NPAS3: variants seen among roughly 807,000 people sequenced by gnomAD.
NPAS3 encodes the protein neuronal PAS domain-containing protein 3.
A neutral mutation model predicts 73.1 loss-of-function variants in NPAS3; 14 were observed. The observed-to-expected ratio is 0.19, with a 90% confidence interval of 0.13 to 0.30. The LOEUF is 0.30. NPAS3 is among the 10% of genes least tolerant of loss of function. The probability of loss-of-function intolerance (pLI) is 1.00; values close to 1 mark genes in which losing one functional copy is unlikely to be tolerated. For missense variants in NPAS3, 1,096 were observed against 1,250.0 expected (o/e 0.88, Z 1.86); for synonymous variants, 620 against 541.5 (o/e 1.14, Z -2.01).
intron 2 of NPAS3, among the ~76,000 whole-genome samples, chr14:33,137,392 A>G (rs983792280): frequency 5.9e-5 from 9 of 152,192 alleles, no homozygotes; most frequent in Non-Finnish European, 8.8e-5. Flanking sequence ...TTATTACTAA[A>G]TAAGATTGTT....
At chr14:33,783,897 T>C (rs2063060962) in intron 9 of NPAS3, among the ~76,000 whole-genome samples, 1 of 152,210 alleles carries the variant, frequency 6.6e-6, no homozygotes, top group Non-Finnish European at 1.5e-5. Context: ...GGCACTATTT[T>C]ACACGACGTA....
intron 3 of NPAS3, among the ~76,000 whole-genome samples, chr14:33,317,698 G>A (rs555718572): frequency 1.0e-3 from 156 of 151,880 alleles, no homozygotes; most frequent in South Asian, 5.6e-3. Flanking sequence ...CTTCCCCTTC[G>A]GCCATGATTA....
chr14:33,725,970 C>T (rs1028855220), intron 6 of NPAS3, among the ~76,000 whole-genome samples: 8 of 152,122 alleles, frequency 5.3e-5, no homozygotes, highest in South Asian at 4.1e-4. Context: ...TCTCCCTCCA[C>T]CTCCCACTTT....
intron 1 of NPAS3, among the ~76,000 whole-genome samples, chr14:32,996,779 A>G (rs550333427): frequency 2.0e-5 from 3 of 152,238 alleles, no homozygotes; most frequent in South Asian, 2.1e-4. Flanking sequence ...GCAGGGGCAG[A>G]GTTCTCATGG....
intron 2 of NPAS3, among the ~76,000 whole-genome samples, chr14:33,090,621 T>C (rs2042192757): frequency 6.6e-6 from 1 of 152,080 alleles, no homozygotes; most frequent in African/African-American, 2.4e-5. Flanking sequence ...TATCCAGGAA[T>C]TCAACTCAGC....
At chr14:33,266,783 A>G (rs1489191598) in intron 3 of NPAS3, among the ~76,000 whole-genome samples, 9 of 152,176 alleles carry the variant, frequency 5.9e-5, no homozygotes, top group Non-Finnish European at 1.2e-4. Flanking sequence ...AGCACTGTTA[A>G]TGGAATCTTG....
At chr14:33,290,489 A>AT (rs1359006005) in intron 3 of NPAS3, among the ~76,000 whole-genome samples, 1 of 152,202 alleles carries the variant, frequency 6.6e-6, no homozygotes, top group Non-Finnish European at 1.5e-5. Flanking sequence ...AAATTCAAAT[A>AT]TATGTGTGAA....
chr14:33,738,246 C>T (rs2061571916), intron 7 of NPAS3, among the ~76,000 whole-genome samples: 1 of 152,122 alleles, frequency 6.6e-6, no homozygotes, highest in African/African-American at 2.4e-5. Flanking sequence ...TTTCATACAG[C>T]CCTTAAGTAG....
At chr14:33,653,317 A>G (rs539512844) in intron 5 of NPAS3, among the ~76,000 whole-genome samples, 16 of 152,224 alleles carry the variant, frequency 1.1e-4, no homozygotes, top group Non-Finnish European at 1.8e-4. Context: ...CAGAAACACA[A>G]TGGAAATTTC....
chr14:33,274,894 G>A (rs868573659), intron 3 of NPAS3, among the ~76,000 whole-genome samples: 1 of 152,110 alleles, frequency 6.6e-6, no homozygotes, highest in African/African-American at 2.4e-5. Flanking sequence ...AAAGTTCAAG[G>A]ATCTTTTATC....
At chr14:33,388,640 G>A (rs1325137562) in intron 4 of NPAS3, among the ~76,000 whole-genome samples, 1 of 152,078 alleles carries the variant, frequency 6.6e-6, no homozygotes, top group Non-Finnish European at 1.5e-5. Flanking sequence ...GATTGCAATG[G>A]AGAAGGAGCT....
At chr14:33,415,375 AT>A (rs2048104952) in intron 4 of NPAS3, among the ~76,000 whole-genome samples, 2 of 151,948 alleles carry the variant, frequency 1.3e-5, no homozygotes, top group Non-Finnish European at 2.9e-5. Flanking sequence ...TAAACCTTTT[AT>A]TTATTTTATG....
chr14:33,741,363 T>G (rs2061651342), intron 7 of NPAS3, among the ~76,000 whole-genome samples: 1 of 152,224 alleles, frequency 6.6e-6, no homozygotes, highest in African/African-American at 2.4e-5. Flanking sequence ...TCTAAGGCTA[T>G]GCATTTATTG....
At chr14:33,554,320 T>G (rs2055255127) in intron 4 of NPAS3, among the ~76,000 whole-genome samples, 1 of 152,218 alleles carries the variant, frequency 6.6e-6, no homozygotes, top group Admixed American at 6.5e-5. Flanking sequence ...TGAAGAACTC[T>G]GGGTTTGAAG....
intron 1 of NPAS3, among the ~76,000 whole-genome samples, chr14:32,940,878 A>G (rs1278325538): frequency 6.6e-6 from 1 of 152,230 alleles, no homozygotes; most frequent in Non-Finnish European, 1.5e-5. Flanking sequence ...ATAATTGACT[A>G]ATTCTGAACT....
At chr14:33,783,091 A>G (rs1432593333) in intron 9 of NPAS3, among the ~76,000 whole-genome samples, 2 of 152,110 alleles carry the variant, frequency 1.3e-5, no homozygotes, top group Admixed American at 6.5e-5. Context: ...CCGAGCATCA[A>G]TCAAAGTAAG....
At chr14:33,093,698 A>G (rs1185658835) in intron 2 of NPAS3, among the ~76,000 whole-genome samples, 1 of 152,226 alleles carries the variant, frequency 6.6e-6, no homozygotes, top group African/African-American at 2.4e-5. Context: ...TATTCACAAT[A>G]GCAAAGACTT....
At chr14:33,606,761 T>A (rs1403024787) in intron 5 of NPAS3, among the ~76,000 whole-genome samples, 1 of 152,148 alleles carries the variant, frequency 6.6e-6, no homozygotes, top group Non-Finnish European at 1.5e-5. Flanking sequence ...CATTGAAGTT[T>A]AAAACTTCTA....
intron 4 of NPAS3, among the ~76,000 whole-genome samples, chr14:33,484,616 A>T (rs973609176): frequency 3.3e-5 from 5 of 152,282 alleles, no homozygotes; most frequent in South Asian, 2.1e-4. Flanking sequence ...ATGCTTAGAG[A>T]GATGTGGATT....
Sources: allele counts gnomAD v4.1 joint callset (sites outside exome capture counted in the v4.1 genomes callset), GRCh38; gene constraint gnomAD v4.1.1; transcripts MANE v1.5; gene names NCBI Gene and HGNC (gene_info 2026-07-23, HGNC 2026-07-21).